TBX5: variants seen among roughly 807,000 people sequenced by gnomAD.
TBX5 encodes the protein T-box transcription factor 5.
In TBX5, 8 loss-of-function variants were observed where a neutral mutation model predicts 51.1. The ratio of observed to expected loss-of-function variants is 0.16; its 90% confidence interval spans 0.09 to 0.28. The LOEUF (loss-of-function observed/expected upper bound fraction) is 0.28. TBX5 is among the 10% of genes least tolerant of loss of function. The pLI, the probability that TBX5 is intolerant of heterozygous loss-of-function variation, is 1.00. For synonymous variants in TBX5, 302 were observed against 266.4 expected, an observed-to-expected ratio of 1.13 and a Z score of -1.30; for missense variants, 589 against 671.7, an observed-to-expected ratio of 0.88 and a Z score of 1.36.
chr12:114,392,658 C>G (rs572548992), intron 6 of TBX5, among the ~76,000 whole-genome samples: 5 of 152,116 alleles, frequency 3.3e-5, no homozygotes, highest in Non-Finnish European at 7.4e-5. Flanking sequence ...TTTTTGGACC[C>G]CAGTCTGGTC....
chr12:114,373,996 C>T (rs1323597510), intron 7 of TBX5, among the ~76,000 whole-genome samples: 1 of 152,236 alleles, frequency 6.6e-6, no homozygotes, highest in Non-Finnish European at 1.5e-5. Context: ...AAACTGCTTT[C>T]TGTACCAAAG....
intron 7 of TBX5, among the ~76,000 whole-genome samples, chr12:114,383,734 G>A (rs937174072): frequency 2.0e-5 from 3 of 152,166 alleles, no homozygotes; most frequent in Non-Finnish European, 4.4e-5. Flanking sequence ...GTGGTAACTG[G>A]TAAAGTTTGA....
chr12:114,358,429 A>G (rs1401905382), intron 8 of TBX5, among the ~76,000 whole-genome samples: 1 of 152,190 alleles, frequency 6.6e-6, no homozygotes, highest in African/African-American at 2.4e-5. Context: ...GGTTTGTAAA[A>G]TAGCTCCCAA....
chr12:114,367,036 T>C (rs964914537), intron 7 of TBX5, among the ~76,000 whole-genome samples: 1 of 152,124 alleles, frequency 6.6e-6, no homozygotes, highest in African/African-American at 2.4e-5. Context: ...GGGCTGTTGA[T>C]AGAAGAAACG....
intron 6 of TBX5, among the ~76,000 whole-genome samples, 159 bp downstream of exon 6, chr12:114,394,582 C>G (rs564574535): frequency 6.6e-6 from 1 of 152,282 alleles, no homozygotes; most frequent in East Asian, 1.9e-4. Context: ...ACAGCTGAAA[C>G]TCTTAGGCTG....
chr12:114,364,838 G>A (rs1477404627), intron 8 of TBX5, among the ~76,000 whole-genome samples: 1 of 152,134 alleles, frequency 6.6e-6, no homozygotes, highest in African/African-American at 2.4e-5. Context: ...ACACCTGAGT[G>A]AGGTCACACA....
chr12:114,404,644 C>G (rs1246753386), intron 1 of TBX5, among the ~76,000 whole-genome samples: 1 of 151,962 alleles, frequency 6.6e-6, no homozygotes, highest in East Asian at 1.9e-4. Flanking sequence ...AAAAAGTAGC[C>G]AAACAGAAGA....
rs77669082 is a variant in TBX5, at chr12:114,390,184, C to T, written c.663+4557G>A. On this transcript the variant is annotated intron_variant, in intron 6 of 8. Coordinates refer to ENST00000405440, the MANE Select transcript of TBX5 (RefSeq NM_181486.4). ...TTCTTTTGGAAACTGATTATAGATG[C>T]CTATATGACCTAAGAATTACCCTTG... 7.0e-3 allele frequency among the ~76,000 whole-genome samples: 1,060 copies of T among 152,282 alleles called. 13 individuals carry two copies. The highest frequency in any genetic ancestry group is 0.024 in the African/African-American group (990 of 41,542).
At chr12:114,388,840 C>T (rs1870983411) in intron 6 of TBX5, among the ~76,000 whole-genome samples, 1 of 151,320 alleles carries the variant, frequency 6.6e-6, no homozygotes, top group African/African-American at 2.4e-5. Flanking sequence ...AGCTCTTGGC[C>T]TCCCAAATTG....
At chr12:114,371,816 G>T (rs1376526568) in intron 7 of TBX5, among the ~76,000 whole-genome samples, 1 of 152,104 alleles carries the variant, frequency 6.6e-6, no homozygotes, top group East Asian at 1.9e-4. Context: ...TAATACACTT[G>T]AGGAAGTTGT....
chr12:114,365,829 CAAAAA>C (rs56315440), intron 8 of TBX5, among the ~76,000 whole-genome samples: 1 of 124,650 alleles, frequency 8.0e-6, no homozygotes, highest in Non-Finnish European at 1.6e-5. Flanking sequence ...GATCCTGTCT[CAAAAA>C]AAAAAAAAAA....
intron 8 of TBX5, among the ~76,000 whole-genome samples, chr12:114,365,083 T>G (rs1482095531): frequency 1.3e-5 from 2 of 152,036 alleles, no homozygotes; most frequent in Non-Finnish European, 2.9e-5. Flanking sequence ...AAAAAGCCAT[T>G]TATTTCTCAT....
intron 3 of TBX5, among the ~76,000 whole-genome samples, chr12:114,399,849 A>G (rs1871691092): frequency 6.6e-6 from 1 of 152,192 alleles, no homozygotes; most frequent in East Asian, 1.9e-4. Context: ...GGGCAACTGT[A>G]GGTAACCTAA....
At chr12:114,377,987 C>G (rs937244088) in intron 7 of TBX5, among the ~76,000 whole-genome samples, 25 of 152,110 alleles carry the variant, frequency 1.6e-4, no homozygotes, top group African/African-American at 6.0e-4. Context: ...TTCCCATCCA[C>G]TCTCTGGTTG....
At chr12:114,398,817 G>C in intron 4 of TBX5, 97 bp from the exon 5 acceptor site, 1 of 1,438,028 alleles carries the variant, frequency 7.0e-7, no homozygotes, top group Middle Eastern at 2.3e-4. Flanking sequence ...GGTGAGGGTT[G>C]TTGAGTAGTA....
intron 6 of TBX5, among the ~76,000 whole-genome samples, chr12:114,393,712 A>G (rs935074536): frequency 6.6e-6 from 1 of 152,088 alleles, no homozygotes; most frequent in Non-Finnish European, 1.5e-5. Context: ...ATGGGGTCTG[A>G]CTTTCACACA....
At chr12:114,399,910 T>C (rs1871700720) in intron 3 of TBX5, among the ~76,000 whole-genome samples, 1 of 152,170 alleles carries the variant, frequency 6.6e-6, no homozygotes, top group Non-Finnish European at 1.5e-5. Context: ...GTTTTGAAGA[T>C]GCTTCAAAGG....
chr12:114,400,887 T>C (rs2136420194), intron 3 of TBX5, among the ~76,000 whole-genome samples: 1 of 152,308 alleles, frequency 6.6e-6, no homozygotes, highest in South Asian at 2.1e-4. Context: ...AGGCTTCGGC[T>C]GGAGAACGGG....
chr12:114,398,989 C>T (rs1279435887), intron 4 of TBX5, among the ~76,000 whole-genome samples: 1 of 152,046 alleles, frequency 6.6e-6, no homozygotes, highest in Non-Finnish European at 1.5e-5. Flanking sequence ...GAGGTCTGGA[C>T]GTGCAAAAAG....
Sources: allele counts gnomAD v4.1 joint callset (sites outside exome capture counted in the v4.1 genomes callset), GRCh38; gene constraint gnomAD v4.1.1; transcripts MANE v1.5; gene names NCBI Gene and HGNC (gene_info 2026-07-23, HGNC 2026-07-21).